Variants in HTRA1 observed in about 807,000 individuals in gnomAD.
The protein encoded by HTRA1 is serine protease HTRA1.
Under a neutral mutation model 49.7 loss-of-function variants are expected in HTRA1, and 26 were observed. The ratio of observed to expected loss-of-function variants is 0.52; its 90% CI spans 0.38 to 0.73. HTRA1 has a LOEUF of 0.73. Among genes scored for constraint, HTRA1 ranks in the 30% least tolerant of loss-of-function variants. The pLI is 0.00. For missense variants in HTRA1, 561 were observed against 667.2 expected, an observed-to-expected ratio of 0.84 and a Z score of 1.75; for synonymous variants, 291 against 286.9, an observed-to-expected ratio of 1.01 and a Z score of -0.14.
rs1339739142 is a variant in HTRA1, at chr10:122,514,515, GT to G, written c.*159del. On this transcript the variant is annotated 3_prime_UTR_variant, in exon 9 of 9. Transcript: ENST00000368984. ...CTGGCCAACAGAATCCTTCTTGATAGTTTGCAGGCAAAACAAATGTAATGTT... is the reference window on the plus strand; with the variant it reads ...CTGGCCAACAGAATCCTTCTTGATAGTTGCAGGCAAAACAAATGTAATGTT... 1.4e-6 allele frequency: 1 copy of G among 719,986 alleles called. No individual in the cohort carries two copies. Among genetic ancestry groups the G allele is most frequent in the Non-Finnish European group, 2.4e-6 (1 of 410,142 alleles). 44.6% of individuals were successfully genotyped at this position (719,986 alleles called of 1,614,324 possible).
intron 1 of HTRA1, among the ~76,000 whole-genome samples, chr10:122,472,499 A>C (rs1023834500): frequency 1.3e-5 from 2 of 151,850 alleles, no homozygotes; most frequent in African/African-American, 4.8e-5. Context: ...AGGTTCAAGC[A>C]GTTCTCATGC....
chr10:122,482,128 A>G (rs139752286), intron 1 of HTRA1, among the ~76,000 whole-genome samples: 14 of 152,308 alleles, frequency 9.2e-5, no homozygotes, highest in Non-Finnish European at 1.8e-4. Context: ...TTGTGTCCCT[A>G]TAACACAGTG....
chr10:122,469,839 T>G (rs2097485378), intron 1 of HTRA1, among the ~76,000 whole-genome samples: 1 of 152,274 alleles, frequency 6.6e-6, no homozygotes, highest in African/African-American at 2.4e-5. Flanking sequence ...CAAGTGTTAT[T>G]TAGAAATGTT....
chr10:122,495,267 A>C (rs1387817980), intron 3 of HTRA1, among the ~76,000 whole-genome samples: 1 of 152,088 alleles, frequency 6.6e-6, no homozygotes, highest in African/African-American at 2.4e-5. Flanking sequence ...CGCCTTCTGT[A>C]CTGGGCATTT....
intron 3 of HTRA1, among the ~76,000 whole-genome samples, chr10:122,489,842 T>C (rs1044868289): frequency 6.6e-6 from 1 of 152,102 alleles, no homozygotes; most frequent in African/African-American, 2.4e-5. Flanking sequence ...AGATAAAAGT[T>C]TTTAAAATAA....
rs1221567391 is a variant in HTRA1 at position 122,490,221 on chromosome 10, T to C, written c.777+595T>C. Reference sequence around the variant, plus strand: ...TCTCAGAGCTTTTAGTATGCTAGTGTGCACGTGGCTTGCCTACAAAAGGGT... The same window carrying C: ...TCTCAGAGCTTTTAGTATGCTAGTGCGCACGTGGCTTGCCTACAAAAGGGT... On this transcript the variant is annotated intron_variant, in intron 3 of 8. Coordinates refer to ENST00000368984, the MANE Select transcript of HTRA1 (RefSeq NM_002775.5). The surrounding 1 kb of genome is among the most constrained non-coding windows in gnomAD (Gnocchi z 4.2). Among the ~76,000 whole-genome samples the C allele has an allele frequency of 1.3e-5, 2 of 152,232 alleles. No homozygotes were observed. The highest frequency in any genetic ancestry group is 2.4e-5 in the African/African-American group (1 of 41,464).
At chr10:122,466,312 C>T (rs1216257988) in intron 1 of HTRA1, among the ~76,000 whole-genome samples, 1 of 152,128 alleles carries the variant, frequency 6.6e-6, no homozygotes, top group Non-Finnish European at 1.5e-5. Flanking sequence ...ACTACAGGCA[C>T]CCGCCACCAC....
intron 1 of HTRA1, among the ~76,000 whole-genome samples, chr10:122,485,363 CT>C (rs1449444593): frequency 6.6e-5 from 10 of 152,212 alleles, no homozygotes; most frequent in Admixed American, 5.2e-4. Flanking sequence ...GCTCCCACTG[CT>C]CCTTCTTTCT....
At chr10:122,472,442 G>C (rs2097486568) in intron 1 of HTRA1, among the ~76,000 whole-genome samples, 1 of 150,392 alleles carries the variant, frequency 6.6e-6, no homozygotes, top group Non-Finnish European at 1.5e-5. Flanking sequence ...CATCACCCAG[G>C]CTGGAGTAAG....
rs185983841 is a variant in HTRA1 at position 122,470,563 on chromosome 10, C to A, written c.472+8439C>A. On this transcript the variant is annotated intron_variant, in intron 1 of 8. Transcript: ENST00000368984. Reference sequence around the variant, plus strand: ...TTTGTCAACTCCTAAAGCTTCAATGCTAGGAATCCTAAAGCATTGAAGTCC... The same window carrying A: ...TTTGTCAACTCCTAAAGCTTCAATGATAGGAATCCTAAAGCATTGAAGTCC... Among the ~76,000 whole-genome samples the A allele has an allele frequency of 1.6e-3, 242 of 152,028 alleles. 1 individual carries two copies. Among genetic ancestry groups the A allele is most frequent in the African/African-American group, 5.6e-3 (231 of 41,462 alleles).
intron 3 of HTRA1, among the ~76,000 whole-genome samples, chr10:122,505,981 T>C: frequency 6.6e-6 from 1 of 152,182 alleles, no homozygotes; most frequent in South Asian, 2.1e-4. Flanking sequence ...CTGGCCTTTG[T>C]GGGACGCTGG....
chr10:122,475,911 A>G (rs966886628), intron 1 of HTRA1, among the ~76,000 whole-genome samples: 2 of 152,202 alleles, frequency 1.3e-5, no homozygotes, highest in Non-Finnish European at 2.9e-5. Flanking sequence ...CGTGGCTGAC[A>G]AGTTTCCTTG....
chr10:122,484,732 A>C (rs923048512), intron 1 of HTRA1, among the ~76,000 whole-genome samples: 1 of 152,230 alleles, frequency 6.6e-6, no homozygotes, highest in East Asian at 1.9e-4. Flanking sequence ...GGAGTCAGGT[A>C]ACATGTCCAA....
At chr10:122,501,504 G>C (rs2133445543) in intron 3 of HTRA1, among the ~76,000 whole-genome samples, 1 of 152,252 alleles carries the variant, frequency 6.6e-6, no homozygotes, top group East Asian at 1.9e-4. Context: ...CCAGGCTTTG[G>C]ATGACACTCA....
In HTRA1 at chr10:122,461,599, C is replaced by G. The variant is rs1275470694; in HGVS notation, c.-54C>G. 1 of 1,165,336 alleles carries G rather than the reference C, an allele frequency of 8.6e-7. No individual in the cohort carries two copies. Among genetic ancestry groups the G allele is most frequent in the South Asian group, 1.4e-5 (1 of 70,670 alleles). The allele number at this position is 1,165,336 out of a possible 1,614,324, so 72.2% of individuals were successfully genotyped here. On this transcript the variant is annotated 5_prime_UTR_variant, in exon 1 of 9. Transcript: ENST00000368984. ...GGCCCTCCTGCACTCTCCCCGGCGCCGCTCTCCGGCCCTCGCCCTGTCCGC... is the reference window on the plus strand; with the variant it reads ...GGCCCTCCTGCACTCTCCCCGGCGCGGCTCTCCGGCCCTCGCCCTGTCCGC...
intron 3 of HTRA1, 57 bp downstream of exon 3, chr10:122,489,683 C>CA (rs758691571): frequency 1.6e-4 from 235 of 1,500,856 alleles, no homozygotes; most frequent in Non-Finnish European, 2.0e-4. Flanking sequence ...ACACCCTTGG[C>CA]AAAGGCACCA....
chr10:122,482,823 C>T (rs1469024758), intron 1 of HTRA1, among the ~76,000 whole-genome samples: 1 of 143,626 alleles, frequency 7.0e-6, no homozygotes, highest in Non-Finnish European at 1.5e-5. Flanking sequence ...GAGGCTGAGG[C>T]AGGAGAATCA....
intron 1 of HTRA1, among the ~76,000 whole-genome samples, chr10:122,481,009 AT>A (rs1188539807): frequency 6.6e-6 from 1 of 152,054 alleles, no homozygotes; most frequent in African/African-American, 2.4e-5. Flanking sequence ...CTCCTCCTCT[AT>A]TTTTTGGCTG....
rs574157594 is a variant in HTRA1, at chr10:122,508,783, C to A, written c.1120+13C>A. 2 of 1,504,652 alleles carry A rather than the reference C, an allele frequency of 1.3e-6. No individual in the cohort carries two copies. Among genetic ancestry groups the A allele is most frequent in the Non-Finnish European group, 1.9e-6 (2 of 1,079,954 alleles). The allele number at this position is 1,504,652 out of a possible 1,614,324, so 93.2% of individuals were successfully genotyped here. A position where few individuals can be genotyped will look rare whatever the true frequency, so the allele number is the denominator to read the frequency against. On this transcript the variant is annotated intron_variant, in intron 6 of 8. Coordinates refer to ENST00000368984, the MANE Select transcript of HTRA1 (RefSeq NM_002775.5). Reference sequence around the variant, plus strand: ...CGACAGGCCAAAGGTAGGCAAGGCCCACACAGCCCTGGGGACTCCGGAGAT... The same window carrying A: ...CGACAGGCCAAAGGTAGGCAAGGCCAACACAGCCCTGGGGACTCCGGAGAT...
Sources: allele counts gnomAD v4.1 joint callset (sites outside exome capture counted in the v4.1 genomes callset), GRCh38; gene constraint gnomAD v4.1.1; non-coding constraint Gnocchi (gnomAD v3.1); transcripts MANE v1.5; gene names NCBI Gene and HGNC (gene_info 2026-07-23, HGNC 2026-07-21).